The following HAVCR2 variants were observed in gnomAD, a reference collection of about 807,000 sequenced individuals.
The protein encoded by HAVCR2 is T cell immunoglobulin mucin 3.
In HAVCR2, 13 loss-of-function variants were observed where a neutral mutation model predicts 24.7. The observed-to-expected ratio is 0.53, with a 90% CI of 0.34 to 0.84. The LOEUF is 0.84. Ranked by LOEUF, HAVCR2 falls within the 40% of genes least tolerant of loss-of-function variation. The pLI, the probability that HAVCR2 is intolerant of heterozygous loss-of-function variation, is 0.01. For synonymous variants in HAVCR2, 154 were observed against 143.4 expected (o/e 1.07, Z -0.53); for missense variants, 343 against 371.2 (o/e 0.92, Z 0.62).
intron 5 of HAVCR2, among the ~76,000 whole-genome samples, chr5:157,093,750 T>A (rs1757046766): frequency 6.6e-6 from 1 of 152,046 alleles, no homozygotes; most frequent in African/African-American, 2.4e-5. Context: ...ATCAAGAACA[T>A]CTTGCCCAAC....
chr5:157,102,469 A>C (rs1255008800), intron 3 of HAVCR2, among the ~76,000 whole-genome samples: 1 of 152,212 alleles, frequency 6.6e-6, no homozygotes, highest in African/African-American at 2.4e-5. Context: ...AAACCATTAA[A>C]TATTCATTCA....
chr5:157,090,122 CTTTTTTT>C (rs869177923), intron 5 of HAVCR2, among the ~76,000 whole-genome samples: 16 of 65,584 alleles, frequency 2.4e-4, no homozygotes, highest in East Asian at 5.1e-4. Flanking sequence ...CTTTTCTTTT[CTTTTTTT>C]TTTTTTTTTT....
chr5:157,108,428 G>A (rs1057477990), intron 1 of HAVCR2, among the ~76,000 whole-genome samples: 20 of 151,918 alleles, frequency 1.3e-4, no homozygotes, highest in Non-Finnish European at 1.9e-4. Context: ...AGATTGCAGT[G>A]AGCCAAAATG....
At chr5:157,107,924 C>T (rs2113696842) in intron 1 of HAVCR2, among the ~76,000 whole-genome samples, 1 of 146,698 alleles carries the variant, frequency 6.8e-6, no homozygotes, top group South Asian at 2.2e-4. Context: ...CCCTTTAAAT[C>T]TGGAGCCCTC....
intron 4 of HAVCR2, among the ~76,000 whole-genome samples, chr5:157,096,136 G>A (rs1051634623): frequency 7.0e-6 from 1 of 143,286 alleles, no homozygotes; most frequent in African/African-American, 2.6e-5. Context: ...TGAGGCAGGA[G>A]AATCACTTAA....
chr5:157,094,166 T>C (rs1441560443), intron 5 of HAVCR2, among the ~76,000 whole-genome samples: 3 of 151,342 alleles, frequency 2.0e-5, no homozygotes, highest in Non-Finnish European at 4.4e-5. Flanking sequence ...CCTGAGTAGA[T>C]GGGACTACAG....
chr5:157,103,302 C>T lies in HAVCR2; in HGVS notation c.478+1364G>A, dbSNP rs564274872. ...AGGAGAATGGCGTGAACCCAGGAGGCGGAACTTGCAGTGAGCCGAGATTGC... is the reference window on the plus strand; with the variant it reads ...AGGAGAATGGCGTGAACCCAGGAGGTGGAACTTGCAGTGAGCCGAGATTGC... On this transcript the variant is annotated intron_variant, in intron 3 of 6. Transcript: ENST00000307851. 3.2e-3 allele frequency among the ~76,000 whole-genome samples: 477 copies of T among 151,336 alleles called. 1 individual carries two copies. The highest frequency in any genetic ancestry group is 5.5e-3 in the Non-Finnish European group (377 of 67,928).
At chr5:157,103,300 G>T (rs1757197154) in intron 3 of HAVCR2, among the ~76,000 whole-genome samples, 1 of 151,956 alleles carries the variant, frequency 6.6e-6, no homozygotes. Context: ...GAACCCAGGA[G>T]GCGGAACTTG....
At chr5:157,089,536 C>CA (rs11365810) in intron 5 of HAVCR2, among the ~76,000 whole-genome samples, 15,900 of 100,016 alleles carry the variant, frequency 0.16, 1,019 homozygotes, top group South Asian at 0.27. Context: ...AACTCCGTCT[C>CA]AAAAAAAAAA....
chr5:157,105,292 G>A (rs1019369594), intron 2 of HAVCR2, among the ~76,000 whole-genome samples: 4 of 152,060 alleles, frequency 2.6e-5, no homozygotes, highest in Admixed American at 6.6e-5. Flanking sequence ...TCGAACTCCC[G>A]ACCTCAGGTG....
chr5:157,090,122 CTTTTTTTTTTTT>C (rs869177923), intron 5 of HAVCR2, among the ~76,000 whole-genome samples: 5 of 65,576 alleles, frequency 7.6e-5, no homozygotes, highest in African/African-American at 3.2e-4. Context: ...CTTTTCTTTT[CTTTTTTTTTTTT>C]TTTTTTTTTT....
At chr5:157,093,714 A>G (rs543900715) in intron 5 of HAVCR2, among the ~76,000 whole-genome samples, 4 of 152,334 alleles carry the variant, frequency 2.6e-5, no homozygotes, top group African/African-American at 9.6e-5. Context: ...TGGGAGGTCG[A>G]GGTGGACGGA....
At chr5:157,093,139 C>A (rs1200070286) in intron 5 of HAVCR2, among the ~76,000 whole-genome samples, 2 of 150,488 alleles carry the variant, frequency 1.3e-5, no homozygotes, top group Non-Finnish European at 3.0e-5. Flanking sequence ...GTGATCAATT[C>A]AAAAATTCCA....
chr5:157,098,299 C>T (rs1046358061), intron 4 of HAVCR2, among the ~76,000 whole-genome samples: 11 of 151,658 alleles, frequency 7.3e-5, no homozygotes, highest in East Asian at 1.9e-4. Flanking sequence ...CCCAGCTACT[C>T]GGAAGGCTGA....
rs546028762 is a variant in HAVCR2, at chr5:157,106,514, G to T, written c.394+113C>A. The T allele has an allele frequency of 5.1e-5, 42 of 821,704 alleles. No homozygotes were observed. The African/African-American group carries it at 5.6e-4, about 11-fold the overall frequency. The allele number at this position is 821,704 out of a possible 1,614,324, so 50.9% of individuals were successfully genotyped here. On this transcript the variant is annotated intron_variant, in intron 2 of 6. Transcript: ENST00000307851. Reference sequence around the variant, plus strand: ...GGCCTGTTAAACTTTAGGTCTTAGTGGCCCTCCTCCAGGGCTATAATTAGG... The same window carrying T: ...GGCCTGTTAAACTTTAGGTCTTAGTTGCCCTCCTCCAGGGCTATAATTAGG...
At chr5:157,087,382 G>T in intron 6 of HAVCR2, 88 bp from the exon 7 acceptor site, 1 of 1,118,238 alleles carries the variant, frequency 8.9e-7, no homozygotes, top group East Asian at 2.5e-5. Flanking sequence ...CAAAGAGACA[G>T]CAACTAAATA....
At chr5:157,101,461 T>C (rs1266006758) in intron 3 of HAVCR2, among the ~76,000 whole-genome samples, 1 of 152,234 alleles carries the variant, frequency 6.6e-6, no homozygotes, top group East Asian at 1.9e-4. Context: ...ACCATCTATT[T>C]GGTACTTATT....
chr5:157,086,969 G>A lies in HAVCR2; in HGVS notation c.*133C>T, dbSNP rs1283087015. The A allele has an allele frequency of 7.0e-6, 5 of 719,032 alleles. No homozygotes were observed. Among genetic ancestry groups the A allele is most frequent in the Non-Finnish European group, 1.1e-5 (5 of 436,426 alleles). The allele number at this position is 719,032 out of a possible 1,614,324, so 44.5% of individuals were successfully genotyped here. ...GCAGGTCCCAGTTCAATTCCCATGT[G>A]AGTCATTATCTTCTGAAAATGGGAA... On this transcript the variant is annotated 3_prime_UTR_variant, in exon 7 of 7. Coordinates refer to ENST00000307851, the MANE Select transcript of HAVCR2 (RefSeq NM_032782.5).
intron 4 of HAVCR2, among the ~76,000 whole-genome samples, chr5:157,096,196 C>T (rs938833326): frequency 2.1e-5 from 3 of 139,666 alleles, no homozygotes; most frequent in Middle Eastern, 3.8e-3. Flanking sequence ...TGCCACTGCA[C>T]GCCAACCTGG....
Sources: gnomAD v4.1 joint callset for allele counts (sites outside exome capture counted in the v4.1 genomes callset) on GRCh38, gnomAD v4.1.1 for gene constraint, MANE v1.5 for transcripts, NCBI Gene and HGNC (gene_info 2026-07-23, HGNC 2026-07-21) for gene names.